AKAP9: variants seen among roughly 807,000 people sequenced by gnomAD.
AKAP9 encodes A-kinase anchoring protein 9.
In AKAP9, 311 loss-of-function variants were observed where a neutral mutation model predicts 488.5. That is an observed-to-expected ratio of 0.64 (90% CI 0.58 to 0.70). The LOEUF (loss-of-function observed/expected upper bound fraction) is 0.70. Ranked by LOEUF, AKAP9 falls within the 30% of genes least tolerant of loss-of-function variation. The pLI is 0.00. For synonymous variants in AKAP9, 1,462 were observed against 1,483.5 expected (o/e 0.99, Z 0.33); for missense variants, 4,215 against 4,374.5 (o/e 0.96, Z 1.03).
chr7:92,047,699 G>A (rs1170299356), intron 21 of AKAP9, among the ~76,000 whole-genome samples: 2 of 152,082 alleles, frequency 1.3e-5, no homozygotes, highest in African/African-American at 2.4e-5. Flanking sequence ...ACGTATATTT[G>A]AATCAACTAA....
Position 92,045,049 on chromosome 7 carries a change from T to C in AKAP9, c.5204T>C (p.Leu1735Pro). 6 of 1,613,720 alleles carry C rather than the reference T, an allele frequency of 3.7e-6. No homozygotes were observed. The highest frequency in any genetic ancestry group is 5.1e-6 in the Non-Finnish European group (6 of 1,179,768). The change falls in exon 21 of 50, where the codon CTC (leucine) becomes CCC (proline). Residue 1735 changes from leucine to proline, a missense_variant. By Grantham distance (98) the Leu-to-Pro change is moderately conservative. Transcript: ENST00000356239. ...QKANNRLLKI[L>P]LEVVKTTAAV... ...GCTAATAATAGACTTTTGAAGATCC[T>C]CTTAGAAGTTGTAAAGACAACAGCA...
intron 12 of AKAP9, among the ~76,000 whole-genome samples, chr7:92,018,395 A>AACACACACAC (rs56394853): frequency 0.035 from 4,196 of 120,526 alleles, 75 homozygotes; most frequent in East Asian, 0.054. Context: ...CTAAAAATAT[A>AACACACACAC]ACACACACAC....
intron 48 of AKAP9, among the ~76,000 whole-genome samples, chr7:92,108,236 C>CCCA (rs1298657377): frequency 2.0e-5 from 3 of 152,122 alleles, no homozygotes. Context: ...TGACAAGATA[C>CCCA]ATTTATACAT....
rs1554435236 is a variant in AKAP9 at position 92,052,833 on chromosome 7, G to A, written c.5476G>A (p.Val1826Met). The change falls in exon 22 of 50, where the codon GTG (valine) becomes ATG (methionine). Residue 1826 changes from valine (V) to methionine (M), a missense_variant. Coordinates refer to ENST00000356239, the MANE Select transcript of AKAP9 (RefSeq NM_005751.5). ...EEGTELSQRL[V>M]RSGFAGTEID... ...AGGAACAGAGCTGTCACAACGACTT[G>A]TGAGGAGTGGTTTTGCTGGAACTGA... 4 of 1,613,860 alleles carry A rather than the reference G, an allele frequency of 2.5e-6. No homozygotes were observed. The highest frequency in any genetic ancestry group is 3.4e-6 in the Non-Finnish European group (4 of 1,179,858).
intron 1 of AKAP9, among the ~76,000 whole-genome samples, chr7:91,957,951 C>T (rs532359526): frequency 6.6e-6 from 1 of 152,090 alleles, no homozygotes; most frequent in East Asian, 1.9e-4. Flanking sequence ...CAGCACATGC[C>T]AAGGGTTTAG....
At chr7:91,968,513 G>A (rs186790309) in intron 1 of AKAP9, among the ~76,000 whole-genome samples, 13 of 152,122 alleles carry the variant, frequency 8.5e-5, no homozygotes, top group Non-Finnish European at 1.5e-4. Context: ...CTAAAGGTTT[G>A]TTGATTTTGT....
chr7:91,993,578 T>C (rs935305805), intron 5 of AKAP9, among the ~76,000 whole-genome samples: 26 of 152,252 alleles, frequency 1.7e-4, no homozygotes, highest in African/African-American at 6.0e-4. Context: ...CTGGGCAACA[T>C]TGGGAGTCCC....
chr7:92,010,889 G>A (rs1800655190), intron 8 of AKAP9, among the ~76,000 whole-genome samples: 1 of 152,042 alleles, frequency 6.6e-6, no homozygotes, highest in African/African-American at 2.4e-5. Flanking sequence ...CTAGACTCAA[G>A]CAATACTCCT....
Position 92,076,927 on chromosome 7 carries a change from T to C in AKAP9, c.6685T>C (p.Leu2229=). 6.4e-7 allele frequency: 1 copy of C among 1,553,816 alleles called. No individual in the cohort carries two copies. Among genetic ancestry groups the C allele is most frequent in the South Asian group, 1.2e-5 (1 of 86,470 alleles). Residue 2229 remains leucine, a synonymous_variant, in exon 29 of 50, where the codon TTA becomes CTA. Transcript: ENST00000356239. ...LENKNEEVQQ[L]HMQLEIQKKE... ...AAATAAGAATGAAGAAGTTCAACAA[T>C]TACATATGCAATTAGAAATACAGAA...
intron 49 of AKAP9, 74 bp from the exon 50 acceptor site, chr7:92,110,048 G>A (rs975085055): frequency 2.7e-6 from 3 of 1,108,914 alleles, no homozygotes; most frequent in Non-Finnish European, 4.1e-6. Flanking sequence ...TTTCCTTTGT[G>A]TGAACTCTGG....
intron 3 of AKAP9, among the ~76,000 whole-genome samples, chr7:91,987,824 T>G (rs1797289233): frequency 6.6e-6 from 1 of 152,092 alleles, no homozygotes; most frequent in African/African-American, 2.4e-5. Context: ...CATACTGTAA[T>G]AGTTTTTATA....
intron 6 of AKAP9, among the ~76,000 whole-genome samples, chr7:91,995,326 C>G (rs1798254347): frequency 6.6e-6 from 1 of 152,160 alleles, no homozygotes; most frequent in African/African-American, 2.4e-5. Context: ...AACTGGAAAG[C>G]CATAGGGAAT....
chr7:91,960,893 A>G lies in AKAP9; in HGVS notation c.49-12818A>G, dbSNP rs578205318. ...GAAAGACTTATATGAAGAAATCAGG[A>G]CAAGGGAGGTTCCCATACCACCTCC... On this transcript the variant is annotated intron_variant, in intron 1 of 49. Coordinates refer to ENST00000356239, the MANE Select transcript of AKAP9 (RefSeq NM_005751.5). Among the ~76,000 whole-genome samples the G allele has an allele frequency of 2.6e-5, 4 of 152,354 alleles. No homozygotes were observed. The South Asian group carries it at 8.3e-4, about 32-fold the overall frequency.
rs1814449663 is a variant in AKAP9, at chr7:92,085,782, C to A, written c.9024+96C>A. The A allele has an allele frequency of 4.2e-6, 4 of 957,898 alleles. No individual in the cohort carries two copies. The Admixed American group carries it at 7.6e-5, about 18-fold the overall frequency. 59.3% of individuals were successfully genotyped at this position (957,898 alleles called of 1,614,324 possible). ...AAATTATCTTTTATACATATTTTTG[C>A]ATGAATAACTATATATATATATTTT... On this transcript the variant is annotated intron_variant, in intron 36 of 49. Transcript: ENST00000356239.
At position 92,097,116 on chromosome 7, in the gene AKAP9, T is replaced by C. The variant is rs1219416349; in HGVS notation, c.10157T>C (p.Val3386Ala). The C allele has an allele frequency of 1.2e-6, 2 of 1,614,032 alleles. No homozygotes were observed. The highest frequency in any genetic ancestry group is 1.7e-6 in the Non-Finnish European group (2 of 1,180,036). ...CAGCAAATGGAAAAAGATAGGCAGG[T>C]TCACAGGAAAACACTGCAGACAGAA... ...TRQQMEKDRQ[V>A]HRKTLQTEQE... Residue 3386 changes from valine to alanine, a missense_variant, in exon 41 of 50, where the codon GTT becomes GCT. Physicochemically the swap from Val to Ala is moderately conservative, Grantham distance 64 (BLOSUM62 0). Transcript: ENST00000356239.
intron 37 of AKAP9, 51 bp from the exon 38 acceptor site, chr7:92,089,334 G>T (rs781243638): frequency 2.5e-6 from 4 of 1,597,002 alleles, no homozygotes; most frequent in Non-Finnish European, 3.4e-6. Flanking sequence ...GTTGTTAATT[G>T]TATTGCCTTT....
intron 21 of AKAP9, among the ~76,000 whole-genome samples, chr7:92,047,992 G>T (rs1807293928): frequency 6.6e-6 from 1 of 151,902 alleles, no homozygotes; most frequent in Non-Finnish European, 1.5e-5. Flanking sequence ...GCATCTTTAA[G>T]GATATATTGA....
rs1380337462 is a variant in AKAP9, at chr7:92,096,701, T to C, written c.9742T>C (p.Ser3248Pro). The C allele has an allele frequency of 6.2e-7, 1 of 1,614,000 alleles. No homozygotes were observed. The highest frequency in any genetic ancestry group is 8.5e-7 in the Non-Finnish European group (1 of 1,179,924). Residue 3248 changes from serine (S) to proline (P), a missense_variant, in exon 41 of 50, where the codon TCA becomes CCA. By Grantham distance (74) the Ser-to-Pro change is moderately conservative (BLOSUM62 -1). Coordinates refer to ENST00000356239, the MANE Select transcript of AKAP9 (RefSeq NM_005751.5). ...DKEELEDLKFSLESQKQRNLQ... is the reference protein window; with the variant it reads ...DKEELEDLKFPLESQKQRNLQ... ...TTTCTCGTACCAGGATCTGAAGTTT[T>C]CACTTGAGAGTCAGAAACAAAGGAA...
chr7:92,007,581 A>G (rs182695684), intron 8 of AKAP9, among the ~76,000 whole-genome samples: 1 of 152,374 alleles, frequency 6.6e-6, no homozygotes, highest in Admixed American at 6.5e-5. Flanking sequence ...TGAATAAATG[A>G]AAAGTCTCAT....
Sources: allele counts gnomAD v4.1 joint callset (sites outside exome capture counted in the v4.1 genomes callset), GRCh38; gene constraint gnomAD v4.1.1; transcripts MANE v1.5; gene names NCBI Gene and HGNC (gene_info 2026-07-23, HGNC 2026-07-21).